DPF3: variants seen among roughly 807,000 people sequenced by gnomAD.
DPF3 encodes the protein double PHD fingers 3.
Under a neutral mutation model 56.8 loss-of-function variants are expected in DPF3, and 18 were observed. The ratio of observed to expected loss-of-function variants is 0.32; its 90% CI spans 0.22 to 0.47. The LOEUF is 0.47. Ranked by LOEUF, DPF3 falls within the 20% of genes least tolerant of loss-of-function variation. The pLI, the probability that DPF3 is intolerant of heterozygous loss-of-function variation, is 1.00. For missense variants in DPF3, 403 were observed against 488.8 expected, an observed-to-expected ratio of 0.82 and a Z score of 1.65; for synonymous variants, 188 against 180.2, an observed-to-expected ratio of 1.04 and a Z score of -0.35.
chr14:72,877,015 C>G (rs1003967235), intron 1 of DPF3, among the ~76,000 whole-genome samples: 1 of 152,120 alleles, frequency 6.6e-6, no homozygotes, highest in African/African-American at 2.4e-5. Context: ...TCCTTTGTGC[C>G]CCTTCAGTGC....
chr14:72,655,994 T>A (rs1352061096), intron 8 of DPF3, among the ~76,000 whole-genome samples: 1 of 152,328 alleles, frequency 6.6e-6, no homozygotes, highest in East Asian at 1.9e-4. Context: ...GAACTGCTTG[T>A]CTATTTGTTT....
chr14:72,753,252 G>A lies in DPF3; in HGVS notation c.301+12C>T. ...CCATCACAGACCCAGCCAAGCTCCA[G>A]AGGGCACTGACCAGGTTTTATCTCC... On this transcript the variant is annotated intron_variant, in intron 3 of 10. Coordinates refer to ENST00000556509, the MANE Select transcript of DPF3 (RefSeq NM_001280542.3). The A allele has an allele frequency of 6.2e-7, 1 of 1,612,652 alleles. No homozygotes were observed. Among genetic ancestry groups the A allele is most frequent in the South Asian group, 1.1e-5 (1 of 90,914 alleles).
At chr14:72,631,725 T>C (rs80323253) in intron 8 of DPF3, among the ~76,000 whole-genome samples, 2,909 of 152,302 alleles carry the variant, frequency 0.019, 95 homozygotes, top group African/African-American at 0.066. Context: ...ATGAGCAAGA[T>C]ACCTTGAGCC....
chr14:72,641,128 G>A lies in DPF3; in HGVS notation c.872-11392C>T, dbSNP rs138892790. Among the ~76,000 whole-genome samples the A allele has an allele frequency of 9.2e-5, 14 of 152,306 alleles. No individual in the cohort carries two copies. The East Asian group carries it at 1.7e-3, about 19-fold the overall frequency. On this transcript the variant is annotated intron_variant, in intron 8 of 10. Transcript: ENST00000556509. ...AAGTAAGATAAGAAACAAAGAGAAC[G>A]TGTTGCCCTGGGTGAGCCATTGGTG... is the stretch of plus-strand genomic sequence containing the variant.
chr14:72,725,155 G>A (rs528771037), intron 4 of DPF3, among the ~76,000 whole-genome samples: 21 of 152,232 alleles, frequency 1.4e-4, no homozygotes, highest in Non-Finnish European at 2.9e-4. Flanking sequence ...TACGTGGCAG[G>A]CTCCATGCTA....
intron 1 of DPF3, among the ~76,000 whole-genome samples, chr14:72,893,603 G>A (rs1195610631): frequency 1.3e-5 from 2 of 151,842 alleles, no homozygotes; most frequent in African/African-American, 2.4e-5. Flanking sequence ...CGGGGCGGGG[G>A]CCGCGGGCTC....
rs151209294 is a variant in DPF3, at chr14:72,611,528, G to A, written c.*7769C>T. On this transcript the variant is annotated 3_prime_UTR_variant, in exon 11 of 11. Coordinates refer to ENST00000556509, the MANE Select transcript of DPF3 (RefSeq NM_001280542.3). ...TTGAAGCCCCCACCCCCCCAGTCCC[G>A]CTCTCTGCTTTCTCTAGCAGGGAAA... 7.4e-5 allele frequency among the ~76,000 whole-genome samples: 11 copies of A among 148,898 alleles called. No individual in the cohort carries two copies. The highest frequency in any genetic ancestry group is 1.3e-4 in the Non-Finnish European group (9 of 67,102).
intron 2 of DPF3, among the ~76,000 whole-genome samples, chr14:72,754,644 C>T (rs956122284): frequency 2.6e-5 from 4 of 152,250 alleles, no homozygotes; most frequent in South Asian, 2.1e-4. Flanking sequence ...TCCCATCTGC[C>T]GTCTTCCATT....
intron 7 of DPF3, among the ~76,000 whole-genome samples, chr14:72,692,457 AAC>A (rs1428767321): frequency 6.6e-6 from 1 of 152,226 alleles, no homozygotes. Context: ...GAGAAACGGA[AAC>A]ACAAAATCTT....
chr14:72,683,326 C>CAAAAA (rs56087517), intron 7 of DPF3, among the ~76,000 whole-genome samples: 4 of 79,600 alleles, frequency 5.0e-5, no homozygotes, highest in African/African-American at 1.3e-4. Flanking sequence ...GACCCCATCT[C>CAAAAA]AAAAAAAAAA....
intron 1 of DPF3, among the ~76,000 whole-genome samples, chr14:72,782,693 T>C (rs1159957593): frequency 6.6e-6 from 1 of 151,932 alleles, no homozygotes; most frequent in African/African-American, 2.4e-5. Context: ...ATTAGCCAGG[T>C]GTAATGGCGG....
chr14:72,857,311 A>G (rs1885205475), intron 1 of DPF3, among the ~76,000 whole-genome samples: 1 of 152,214 alleles, frequency 6.6e-6, no homozygotes, highest in South Asian at 2.1e-4. Context: ...GAATTCCCAC[A>G]TGAAATAATA....
chr14:72,627,284 T>C (rs1252897129), intron 9 of DPF3, among the ~76,000 whole-genome samples: 1 of 152,140 alleles, frequency 6.6e-6, no homozygotes, highest in Non-Finnish European at 1.5e-5. Context: ...GTGGTTTTAC[T>C]TTGTACATTT....
intron 1 of DPF3, among the ~76,000 whole-genome samples, chr14:72,826,756 C>T (rs1220989486): frequency 6.6e-6 from 1 of 152,044 alleles, no homozygotes; most frequent in Non-Finnish European, 1.5e-5. Flanking sequence ...GACACATTCA[C>T]AGATGGCCGG....
At chr14:72,871,108 T>C (rs1326803926) in intron 1 of DPF3, among the ~76,000 whole-genome samples, 2 of 152,150 alleles carry the variant, frequency 1.3e-5, no homozygotes, top group South Asian at 2.1e-4. Context: ...TAAGACTTAC[T>C]CACTATCACG....
intron 4 of DPF3, among the ~76,000 whole-genome samples, chr14:72,728,242 G>A (rs533110570): frequency 6.6e-6 from 1 of 152,340 alleles, no homozygotes; most frequent in South Asian, 2.1e-4. Flanking sequence ...GAAGAAAGCA[G>A]TAGGTGGCTT....
At chr14:72,729,269 TAATAAAA>T (rs1163871631) in intron 4 of DPF3, among the ~76,000 whole-genome samples, 1 of 151,684 alleles carries the variant, frequency 6.6e-6, no homozygotes, top group Non-Finnish European at 1.5e-5. Context: ...AATTCATAAA[TAATAAAA>T]AATAAAAATT....
rs1359345480 is a variant in DPF3 at position 72,609,753 on chromosome 14, T to A, written c.*9544A>T. ...CTTTTTGTTTGTCTGTTGCTGTCGT[T>A]GCTTTTTAGAGAAGCCAGGGTGGGC... On this transcript the variant is annotated 3_prime_UTR_variant, in exon 11 of 11. Transcript: ENST00000556509. Among the ~76,000 whole-genome samples, 1 of 152,206 alleles carries A rather than the reference T, an allele frequency of 6.6e-6. No individual in the cohort carries two copies.
chr14:72,708,614 T>C (rs556381029), intron 6 of DPF3, among the ~76,000 whole-genome samples: 1 of 152,316 alleles, frequency 6.6e-6, no homozygotes, highest in South Asian at 2.1e-4. Flanking sequence ...TTAGCAAAAC[T>C]GCAAGAGTCA....
Sources: gnomAD v4.1 joint callset for allele counts (sites outside exome capture counted in the v4.1 genomes callset) on GRCh38, gnomAD v4.1.1 for gene constraint, MANE v1.5 for transcripts, NCBI Gene and HGNC (gene_info 2026-07-23, HGNC 2026-07-21) for gene names.